CDH13: variants seen among roughly 807,000 people sequenced by gnomAD.
CDH13 encodes cadherin 13.
Under a neutral mutation model 63.8 loss-of-function variants are expected in CDH13, and 24 were observed. That is an observed-to-expected ratio of 0.38 (90% CI 0.27 to 0.53). CDH13 has a LOEUF of 0.53. Among genes scored for constraint, CDH13 ranks in the 20% least tolerant of loss-of-function variants. CDH13 has a pLI of 0.85. For synonymous variants in CDH13, 503 were observed against 355.3 expected, an observed-to-expected ratio of 1.42 and a Z score of -4.67; for missense variants, 1,049 against 903.1, an observed-to-expected ratio of 1.16 and a Z score of -2.07.
chr16:83,481,722 C>T (rs2073770111), intron 6 of CDH13, among the ~76,000 whole-genome samples: 1 of 152,172 alleles, frequency 6.6e-6, no homozygotes, highest in Non-Finnish European at 1.5e-5. Context: ...GTTCATCTGG[C>T]TCAGGGAGTG....
chr16:82,659,610 A>G (rs1055436934), intron 1 of CDH13, among the ~76,000 whole-genome samples: 6 of 152,222 alleles, frequency 3.9e-5, no homozygotes, highest in South Asian at 2.1e-4. Context: ...GAATCCCCCC[A>G]AAATATAATA....
intron 3 of CDH13, among the ~76,000 whole-genome samples, chr16:83,117,349 G>A (rs80015364): frequency 6.6e-6 from 1 of 152,022 alleles, no homozygotes; most frequent in Non-Finnish European, 1.5e-5. Flanking sequence ...TTCTGCTGCT[G>A]GCAGTGCCTC....
At position 83,015,695 on chromosome 16, in the gene CDH13, A is replaced by G. The variant is rs1230384260; in HGVS notation, c.158-16315A>G. On this transcript the variant is annotated intron_variant, in intron 2 of 13. Coordinates refer to ENST00000567109, the MANE Select transcript of CDH13 (RefSeq NM_001257.5). ...TGTGTATGTATATATATATATATATATATATATATATATATATATATATAT... is the reference window on the plus strand; with the variant it reads ...TGTGTATGTATATATATATATATATGTATATATATATATATATATATATAT... 3.9e-4 allele frequency among the ~76,000 whole-genome samples: 43 copies of G among 110,654 alleles called. 1 individual carries two copies. The highest frequency in any genetic ancestry group is 1.2e-3 in the South Asian group (4 of 3,208). The allele number at this position is 110,654 out of a possible 152,430, so 72.6% of individuals were successfully genotyped here.
At chr16:83,417,719 T>A (rs1362247200) in intron 6 of CDH13, among the ~76,000 whole-genome samples, 1 of 152,198 alleles carries the variant, frequency 6.6e-6, no homozygotes. Context: ...GCAGACAGGC[T>A]GTAGAGATAG....
At chr16:83,440,259 T>C (rs1369457657) in intron 6 of CDH13, among the ~76,000 whole-genome samples, 1 of 152,208 alleles carries the variant, frequency 6.6e-6, no homozygotes, top group Non-Finnish European at 1.5e-5. Context: ...AGTTTGGTTA[T>C]TCATCTGGCC....
intron 5 of CDH13, among the ~76,000 whole-genome samples, chr16:83,226,830 A>G (rs2039854564): frequency 6.6e-6 from 1 of 152,014 alleles, no homozygotes; most frequent in Admixed American, 6.6e-5. Flanking sequence ...CTGGGACCAG[A>G]TCCCCAAATG....
intron 1 of CDH13, among the ~76,000 whole-genome samples, chr16:82,685,062 T>C (rs1360906884): frequency 6.6e-6 from 1 of 152,188 alleles, no homozygotes; most frequent in Non-Finnish European, 1.5e-5. Flanking sequence ...AAACCTGCAA[T>C]AACTCAGTGC....
At chr16:83,560,287 C>G (rs955491308) in intron 7 of CDH13, among the ~76,000 whole-genome samples, 3 of 152,172 alleles carry the variant, frequency 2.0e-5, no homozygotes, top group African/African-American at 7.2e-5. Flanking sequence ...AAACCTAATG[C>G]TACAAAGATA....
intron 4 of CDH13, among the ~76,000 whole-genome samples, chr16:83,130,335 G>C (rs1173998505): frequency 6.6e-6 from 1 of 152,208 alleles, no homozygotes; most frequent in African/African-American, 2.4e-5. Context: ...GCCAAGCTTT[G>C]TTACTGCTTT....
chr16:83,071,625 G>C (rs2032444992), intron 3 of CDH13, among the ~76,000 whole-genome samples: 1 of 152,212 alleles, frequency 6.6e-6, no homozygotes, highest in South Asian at 2.1e-4. Context: ...AATAATTCAT[G>C]AAGTTGGCTT....
At chr16:82,868,522 G>A (rs991946810) in intron 2 of CDH13, among the ~76,000 whole-genome samples, 1 of 152,136 alleles carries the variant, frequency 6.6e-6, no homozygotes, top group Non-Finnish European at 1.5e-5. Context: ...ATTGGACTTG[G>A]GTCCTAACTT....
At chr16:83,090,042 C>G (rs1347278082) in intron 3 of CDH13, among the ~76,000 whole-genome samples, 1 of 152,092 alleles carries the variant, frequency 6.6e-6, no homozygotes, top group Non-Finnish European at 1.5e-5. Context: ...ACCTAAAAGT[C>G]AGGGCTTGGG....
chr16:83,534,943 T>G (rs1268177785), intron 7 of CDH13, among the ~76,000 whole-genome samples: 1 of 152,242 alleles, frequency 6.6e-6, no homozygotes, highest in South Asian at 2.1e-4. Context: ...GACAATTTTA[T>G]AGGACAATCT....
intron 10 of CDH13, among the ~76,000 whole-genome samples, chr16:83,736,075 A>G (rs1343642675): frequency 6.6e-6 from 1 of 152,198 alleles, no homozygotes; most frequent in African/African-American, 2.4e-5. Context: ...TCTGCTGCTT[A>G]GAAAAAGCCA....
chr16:82,869,482 A>T (rs1291628829), intron 2 of CDH13, among the ~76,000 whole-genome samples: 2 of 152,170 alleles, frequency 1.3e-5, no homozygotes, highest in Non-Finnish European at 2.9e-5. Context: ...AAGAAAAAAA[A>T]TTCTAAAATT....
chr16:83,483,744 C>G (rs1196479454), intron 6 of CDH13, among the ~76,000 whole-genome samples: 4 of 152,132 alleles, frequency 2.6e-5, no homozygotes, highest in Non-Finnish European at 5.9e-5. Flanking sequence ...AGATCGCAGG[C>G]CTGAAATCTG....
intron 9 of CDH13, among the ~76,000 whole-genome samples, chr16:83,672,491 C>T (rs1215641681): frequency 8.5e-6 from 1 of 117,866 alleles, no homozygotes; most frequent in East Asian, 3.0e-4. Flanking sequence ...GTGGCCTGAT[C>T]TTGGCTCACT....
intron 4 of CDH13, among the ~76,000 whole-genome samples, chr16:83,161,846 G>C (rs186772198): frequency 3.9e-4 from 60 of 152,282 alleles, no homozygotes; most frequent in African/African-American, 1.4e-3. Flanking sequence ...GAGACGCTAT[G>C]TCAAACAACC....
intron 7 of CDH13, among the ~76,000 whole-genome samples, chr16:83,499,959 C>T (rs557818186): frequency 2.6e-5 from 4 of 152,112 alleles, no homozygotes; most frequent in Non-Finnish European, 4.4e-5. Flanking sequence ...CCTGCCACCA[C>T]GCGCAGCTAA....
Sources: gnomAD v4.1 joint callset for allele counts (sites outside exome capture counted in the v4.1 genomes callset) on GRCh38, gnomAD v4.1.1 for gene constraint, MANE v1.5 for transcripts, NCBI Gene and HGNC (gene_info 2026-07-23, HGNC 2026-07-21) for gene names.